NPIPB2: variants seen among roughly 807,000 people sequenced by gnomAD.
NPIPB2 encodes nuclear pore complex interacting protein family member B2, also known as nuclear pore complex-interacting protein family member B2.
A neutral mutation model predicts 30.8 loss-of-function variants in NPIPB2; 27 were observed. That is an observed-to-expected ratio of 0.88 (90% CI 0.65 to 1.21). NPIPB2 has a LOEUF of 1.21. Among genes scored for constraint, NPIPB2 ranks in the 50% most tolerant of loss-of-function variants. The pLI is 0.00. For synonymous variants in NPIPB2, 147 were observed against 162.0 expected (o/e 0.91, Z 0.70); for missense variants, 440 against 446.2 (o/e 0.99, Z 0.13).
intron 1 of NPIPB2, chr16:11,965,471 G>C (rs144402082): frequency 4.5e-5 from 72 of 1,612,870 alleles, no homozygotes; most frequent in Middle Eastern, 1.7e-4. Flanking sequence ...AATATTGCTT[G>C]AACGATTATT....
intron 1 of NPIPB2, among the ~76,000 whole-genome samples, chr16:11,939,362 C>A (rs1175863498): frequency 6.6e-6 from 1 of 151,726 alleles, no homozygotes; most frequent in Non-Finnish European, 1.5e-5. Context: ...GAGATTGAGA[C>A]CATCCTAGCT....
At chr16:11,934,265 T>C (rs1178039301) in intron 2 of NPIPB2, among the ~76,000 whole-genome samples, 3 of 112,976 alleles carry the variant, frequency 2.7e-5, no homozygotes, top group Admixed American at 8.8e-5. Context: ...CACATAAGAA[T>C]GACATGAGGC....
At chr16:11,964,806 T>C (rs1596506449) in intron 1 of NPIPB2, among the ~76,000 whole-genome samples, 1 of 152,182 alleles carries the variant, frequency 6.6e-6, no homozygotes, top group East Asian at 1.9e-4. Flanking sequence ...CAAGCAATCC[T>C]TTTGCCTTTT....
In NPIPB2 at chr16:11,937,776, A is replaced by T; in HGVS notation, c.64-108T>A. The T allele has an allele frequency of 4.1e-6, 6 of 1,450,820 alleles. No homozygotes were observed. The South Asian group carries it at 7.5e-5, about 18-fold the overall frequency. 89.9% of individuals were successfully genotyped at this position (1,450,820 alleles called of 1,614,324 possible). A position where few individuals can be genotyped will look rare whatever the true frequency, so the allele number is the denominator to read the frequency against. ...TCAACCTCCTCCAAAAGGTAACCAC[A>T]TCCCTCAGATATCACCGTGGGATTC... On this transcript the variant is annotated intron_variant, in intron 1 of 7. Transcript: ENST00000399147.
chr16:11,941,322 A>G (rs1450745937), intron 1 of NPIPB2: 18 of 765,506 alleles, frequency 2.4e-5, no homozygotes, highest in Admixed American at 1.6e-4. Flanking sequence ...GGAAGGGGAC[A>G]GGGACCGGGC....
At chr16:11,966,306 A>T (rs373496) in intron 1 of NPIPB2, 2 of 1,613,980 alleles carry the variant, frequency 1.2e-6, no homozygotes, top group Non-Finnish European at 1.7e-6. Flanking sequence ...AGGAAGATAA[A>T]CTCTGAACCA....
At chr16:11,964,928 A>G (rs2055181456) in intron 1 of NPIPB2, among the ~76,000 whole-genome samples, 1 of 152,290 alleles carries the variant, frequency 6.6e-6, no homozygotes, top group African/African-American at 2.4e-5. Context: ...GGCACCTCTC[A>G]CAGAGTACAG....
exon 8 of NPIPB2, chr16:11,927,603 T>A: frequency 6.2e-7 from 1 of 1,607,042 alleles, no homozygotes; most frequent in Non-Finnish European, 8.5e-7. Context: ...AAGGGAGGTG[T>A]CTTGAGATTA....
In NPIPB2 at chr16:11,927,434, G is replaced by C. The variant is rs1273884677; in HGVS notation, c.1133C>G (p.Ser378Ter). The stretch of plus-strand genomic sequence containing the variant: ...CAACCTCCGCCTCTTGGGCTCGGGT[G>C]ATGATGGTTCCACCTCAGCGGCCCT... The change falls in exon 8 of 8, where the codon TCA becomes TGA. Residue 378 changes from serine to a stop codon, truncating the protein, a stop_gained. Transcript: ENST00000399147. LOFTEE classifies it high-confidence loss of function. The C allele has an allele frequency of 2.5e-6, 3 of 1,209,508 alleles. No homozygotes were observed. Among genetic ancestry groups the C allele is most frequent in the Non-Finnish European group, 3.6e-6 (3 of 843,814 alleles). The allele number at this position is 1,209,508 out of a possible 1,614,324, so 74.9% of individuals were successfully genotyped here.
chr16:11,933,508 A>C lies in NPIPB2; in HGVS notation c.488+9T>G. The C allele has an allele frequency of 6.3e-7, 1 of 1,596,898 alleles. No individual in the cohort carries two copies. The highest frequency in any genetic ancestry group is 8.5e-7 in the Non-Finnish European group (1 of 1,179,142). On this transcript the variant is annotated intron_variant, in intron 4 of 7. Transcript: ENST00000399147. ...CATACAACAATATTTGTGTCAAGGC[A>C]CATCTTACTGTTTTTTGGCGGTCTT...
Position 11,965,089 on chromosome 16 carries a change from C to T in NPIPB2, c.-584+11479G>A, listed in dbSNP as rs1339659969. 9.2e-6 allele frequency: 5 copies of T among 543,786 alleles called. No homozygotes were observed. The East Asian group carries it at 1.5e-4, about 16-fold the overall frequency. The allele number at this position is 543,786 out of a possible 1,614,324, so 33.7% of individuals were successfully genotyped here. A position where few individuals can be genotyped will look rare whatever the true frequency, so the allele number is the denominator to read the frequency against. ...TGTGATATGCCCTGATATTTACACC[C>T]TGTCTCTTACCCCATCCAAGACTCA... On this transcript the variant is annotated intron_variant, in intron 1 of 5. Transcript: ENST00000538896.
intron 1 of NPIPB2, among the ~76,000 whole-genome samples, chr16:11,970,031 C>G (rs978639084): frequency 2.1e-4 from 32 of 151,522 alleles, no homozygotes; most frequent in African/African-American, 7.5e-4. Flanking sequence ...CCGGCCTATA[C>G]TAACTCATTT....
intron 2 of NPIPB2, 24 bp from the exon 3 acceptor site, chr16:11,933,948 G>A (rs1199827498): frequency 1.3e-6 from 2 of 1,512,816 alleles, no homozygotes; most frequent in Admixed American, 3.3e-5. Flanking sequence ...ATATAAGAAT[G>A]ACGGCTGGGC....
Position 11,967,849 on chromosome 16 carries a change from T to C in NPIPB2, c.-584+8719A>G, listed in dbSNP as rs780297772. ...GAGAAATCAATTTCTGCTAGGTAAT[T>C]AACCATTTCGACTCGAGCAGTGCCA... On this transcript the variant is annotated intron_variant, in intron 1 of 5. Transcript: ENST00000538896. 1.9e-6 allele frequency: 3 copies of C among 1,612,492 alleles called. No homozygotes were observed. The African/African-American group carries it at 4.0e-5, about 22-fold the overall frequency.
upstream of NPIPB2, among the ~76,000 whole-genome samples, chr16:11,945,016 T>TA (rs1477870943): frequency 3.4e-5 from 5 of 144,966 alleles, no homozygotes; most frequent in Admixed American, 1.4e-4. Flanking sequence ...CCATCTCTAC[T>TA]AAAAATAAAA....
intron 4 of NPIPB2, among the ~76,000 whole-genome samples, chr16:11,932,454 C>A (rs531175524): frequency 6.6e-6 from 1 of 151,494 alleles, no homozygotes; most frequent in Admixed American, 6.6e-5. Flanking sequence ...CTAGCCTGGC[C>A]AACATGGTGA....
At chr16:11,971,244 A>G (rs1389488980) in intron 1 of NPIPB2, among the ~76,000 whole-genome samples, 1 of 152,156 alleles carries the variant, frequency 6.6e-6, no homozygotes, top group African/African-American at 2.4e-5. Context: ...ATGTGAAGAG[A>G]TTTATTCTGA....
At chr16:11,936,989 C>A (rs1203162255) in intron 2 of NPIPB2, among the ~76,000 whole-genome samples, 2 of 151,742 alleles carry the variant, frequency 1.3e-5, no homozygotes, top group African/African-American at 2.4e-5. Flanking sequence ...TCATTTGCTG[C>A]CCCTCTAAAT....
At chr16:11,937,586 G>A (rs188919172) in exon 2 of NPIPB2, 210 of 1,599,404 alleles carry the variant, frequency 1.3e-4, no homozygotes, top group Non-Finnish European at 1.5e-4. Context: ...ATAACTTCTC[G>A]GAAATGCAAT....
Sources: allele counts gnomAD v4.1 joint callset (sites outside exome capture counted in the v4.1 genomes callset), GRCh38; gene constraint gnomAD v4.1.1; transcripts MANE v1.5; gene names NCBI Gene and HGNC (gene_info 2026-07-23, HGNC 2026-07-21).